Variants in SYT9 observed in about 807,000 individuals in gnomAD.
SYT9 encodes synaptotagmin 9.
In SYT9, 22 loss-of-function variants were observed where a neutral mutation model predicts 48.4. The observed-to-expected ratio is 0.45, with a 90% CI of 0.32 to 0.65. The LOEUF (loss-of-function observed/expected upper bound fraction) is 0.65, where lower values mean the gene tolerates loss of function less well. Among genes scored for constraint, SYT9 ranks in the 30% least tolerant of loss-of-function variants. SYT9 has a pLI of 0.03. For missense variants in SYT9, 577 were observed against 622.0 expected, an observed-to-expected ratio of 0.93 and a Z score of 0.77; for synonymous variants, 265 against 245.0, an observed-to-expected ratio of 1.08 and a Z score of -0.76.
rs555006487 is a variant in SYT9 at position 7,288,626 on chromosome 11, A to AT, written c.146-14405dup. On this transcript the variant is annotated intron_variant, in intron 1 of 6. Coordinates refer to ENST00000318881, the MANE Select transcript of SYT9 (RefSeq NM_175733.4). Reference sequence around the variant, plus strand: ...AATAACATCTTACATAAAATGAGCCATTTTTTTTGGCTTTGCTGTCTTTCA... The same window carrying AT: ...AATAACATCTTACATAAAATGAGCCATTTTTTTTTGGCTTTGCTGTCTTTCA... 3.3e-4 allele frequency among the ~76,000 whole-genome samples: 49 copies of AT among 150,702 alleles called. 1 individual carries two copies. In the South Asian group the frequency reaches 7.1e-3, roughly 22 times the overall value.
At chr11:7,330,579 TTCTG>T (rs1174129074) in intron 3 of SYT9, among the ~76,000 whole-genome samples, 5 of 152,192 alleles carry the variant, frequency 3.3e-5, no homozygotes, top group Admixed American at 6.5e-5. Context: ...TATAAAATAT[TTCTG>T]TCTATCTAGG....
intron 1 of SYT9, 93 bp from the exon 2 acceptor site, chr11:7,302,946 T>C (rs1848950881): frequency 8.5e-7 from 1 of 1,174,330 alleles, no homozygotes; most frequent in Non-Finnish European, 1.2e-6. Flanking sequence ...TCCCAAGGGA[T>C]GAGTGGATGA....
At chr11:7,410,220 T>G (rs533873470) in intron 3 of SYT9, among the ~76,000 whole-genome samples, 1 of 152,320 alleles carries the variant, frequency 6.6e-6, no homozygotes, top group Admixed American at 6.5e-5. Context: ...GATATGATTT[T>G]GATTTTTAAA....
chr11:7,335,546 TGTAA>T (rs551088091), intron 3 of SYT9, among the ~76,000 whole-genome samples: 2 of 152,154 alleles, frequency 1.3e-5, no homozygotes, highest in Non-Finnish European at 2.9e-5. Flanking sequence ...AGCTCCTACT[TGTAA>T]GTGAGAACAT....
chr11:7,258,275 A>G (rs1848012895), intron 1 of SYT9, among the ~76,000 whole-genome samples: 1 of 152,232 alleles, frequency 6.6e-6, no homozygotes, highest in South Asian at 2.1e-4. Context: ...TCTCACTTTT[A>G]AAAGGACAAG....
At chr11:7,253,929 A>G (rs1157184885) in intron 1 of SYT9, among the ~76,000 whole-genome samples, 6 of 152,244 alleles carry the variant, frequency 3.9e-5, no homozygotes, top group African/African-American at 4.8e-5. Flanking sequence ...GCCTGTGACC[A>G]GACCACGAGT....
chr11:7,245,336 T>C (rs1268153570), intron 1 of SYT9, among the ~76,000 whole-genome samples: 1 of 152,216 alleles, frequency 6.6e-6, no homozygotes, highest in Non-Finnish European at 1.5e-5. Flanking sequence ...TAATGATTAG[T>C]TATAATCATT....
At chr11:7,295,155 C>G (rs1848774805) in intron 1 of SYT9, among the ~76,000 whole-genome samples, 1 of 152,212 alleles carries the variant, frequency 6.6e-6, no homozygotes, top group Admixed American at 6.5e-5. Context: ...TACAAGTTCT[C>G]ATTCTGTTTT....
At chr11:7,371,403 A>G (rs1039261803) in intron 3 of SYT9, among the ~76,000 whole-genome samples, 3 of 152,026 alleles carry the variant, frequency 2.0e-5, no homozygotes, top group Non-Finnish European at 1.5e-5. Context: ...TTAAAAATCT[A>G]GATTCATAAT....
At chr11:7,297,401 T>C (rs1182183285) in intron 1 of SYT9, among the ~76,000 whole-genome samples, 1 of 152,194 alleles carries the variant, frequency 6.6e-6, no homozygotes, top group African/African-American at 2.4e-5. Context: ...GACATATCAT[T>C]TGACTATTTC....
intron 3 of SYT9, among the ~76,000 whole-genome samples, chr11:7,407,726 A>G (rs1400832273): frequency 6.6e-6 from 1 of 152,194 alleles, no homozygotes; most frequent in African/African-American, 2.4e-5. Context: ...ATGAGAAGCC[A>G]TAGGTATCCA....
chr11:7,463,539 CA>C (rs1337461590), intron 6 of SYT9, among the ~76,000 whole-genome samples: 3 of 152,190 alleles, frequency 2.0e-5, no homozygotes, highest in Admixed American at 6.5e-5. Flanking sequence ...TCTCCTGAGA[CA>C]ACTTTTTCAG....
chr11:7,312,115 C>T (rs1564857504), intron 2 of SYT9, among the ~76,000 whole-genome samples: 2 of 152,172 alleles, frequency 1.3e-5, no homozygotes, highest in Non-Finnish European at 2.9e-5. Flanking sequence ...GTACCAGTGA[C>T]AGCTCTGTGA....
chr11:7,387,763 AC>A (rs1178412196), intron 3 of SYT9, among the ~76,000 whole-genome samples: 5 of 152,188 alleles, frequency 3.3e-5, no homozygotes, highest in African/African-American at 1.2e-4. Context: ...CACATTTTCT[AC>A]ATTCATTTAG....
chr11:7,319,107 G>C (rs1849291076), intron 3 of SYT9, among the ~76,000 whole-genome samples: 1 of 150,324 alleles, frequency 6.7e-6, no homozygotes, highest in Non-Finnish European at 1.5e-5. Context: ...CTTCTCCTTA[G>C]GTTCAGACAA....
At chr11:7,379,738 A>C (rs1850525774) in intron 3 of SYT9, among the ~76,000 whole-genome samples, 1 of 152,126 alleles carries the variant, frequency 6.6e-6, no homozygotes, top group African/African-American at 2.4e-5. Context: ...ACTGTCTTTC[A>C]TCTGCTTACA....
chr11:7,303,507 CAG>C (rs1231848643), intron 2 of SYT9, 117 bp downstream of exon 2: 3 of 922,294 alleles, frequency 3.3e-6, no homozygotes, highest in Non-Finnish European at 4.7e-6. Flanking sequence ...TGTTCTGTAT[CAG>C]AGACATGAAT....
At chr11:7,316,421 CT>C (rs1009928382) in intron 3 of SYT9, among the ~76,000 whole-genome samples, 1 of 151,708 alleles carries the variant, frequency 6.6e-6, no homozygotes, top group Non-Finnish European at 1.5e-5. Context: ...AGCTTTTTTT[CT>C]TTGGTCAACA....
rs768405633 is a variant in SYT9 at position 7,241,501 on chromosome 11, A to G, written c.49+2585A>G. ...TGAAGTCTCTGTGTTGAAGGAAGGT[A>G]ACTCTAATGCACATGGATATGAGAA... On this transcript the variant is annotated intron_variant and NMD_transcript_variant, in intron 1 of 8. Coordinates refer to the SYT9 transcript ENST00000524820. Among the ~76,000 whole-genome samples, 48 of 152,202 alleles carry G rather than the reference A, an allele frequency of 3.2e-4. 1 individual carries two copies. Among genetic ancestry groups the G allele is most frequent in the Non-Finnish European group, 5.9e-4 (40 of 68,036 alleles).
Sources: gnomAD v4.1 joint callset for allele counts (sites outside exome capture counted in the v4.1 genomes callset) on GRCh38, gnomAD v4.1.1 for gene constraint, MANE v1.5 for transcripts, NCBI Gene and HGNC (gene_info 2026-07-23, HGNC 2026-07-21) for gene names.